The following NBEAL2 variants were observed in gnomAD, a reference collection of about 807,000 sequenced individuals.
The protein encoded by NBEAL2 is neurobeachin-like protein 2.
Under a neutral mutation model 299.8 loss-of-function variants are expected in NBEAL2, and 160 were observed. The ratio of observed to expected loss-of-function variants is 0.53; its 90% CI spans 0.47 to 0.61. The LOEUF is 0.61. NBEAL2 is among the 20% of genes least tolerant of loss of function. NBEAL2 has a pLI of 0.00. For synonymous variants in NBEAL2, 1,493 were observed against 1,542.3 expected, an observed-to-expected ratio of 0.97 and a Z score of 0.75; for missense variants, 3,112 against 3,649.0, an observed-to-expected ratio of 0.85 and a Z score of 3.79.
In NBEAL2 at chr3:46,997,705, G is replaced by A; in HGVS notation, c.2958+11G>A. The A allele has an allele frequency of 6.6e-7, 1 of 1,506,916 alleles. No individual in the cohort carries two copies. The highest frequency in any genetic ancestry group is 8.9e-7 in the Non-Finnish European group (1 of 1,124,836). The allele number at this position is 1,506,916 out of a possible 1,614,324, so 93.3% of individuals were successfully genotyped here. A position where few individuals can be genotyped will look rare whatever the true frequency, so the allele number is the denominator to read the frequency against. On this transcript the variant is annotated intron_variant, in intron 20 of 53. Transcript: ENST00000450053. ...GCCCTCCTGCGAAAGGTGGGGCCCG[G>A]TGGGACAGGCATGGGGGTTAGGGGT...
In NBEAL2 at chr3:46,994,556, G is replaced by A. The variant is rs1233655810; in HGVS notation, c.1296+3G>A. ...TGTTGCAAGAGCTGCTCAACATGGT[G>A]AGGGAAGGGGCTTGGGACCAGGGTC... On this transcript the variant is annotated splice_donor_region_variant and intron_variant, in intron 12 of 53. Transcript: ENST00000450053. 6.4e-7 allele frequency: 1 copy of A among 1,570,900 alleles called. No homozygotes were observed.
Position 47,008,215 on chromosome 3 carries a change from G to A in NBEAL2, c.7719+29G>A, listed in dbSNP as rs1341987513. ...TGTGTATGCATGTGCCCTGGGGAGG[G>A]TGAGTTTCCTGGGCAATCCCCCTGG... On this transcript the variant is annotated intron_variant, in intron 50 of 53. Coordinates refer to ENST00000450053, the MANE Select transcript of NBEAL2 (RefSeq NM_015175.3). 2.5e-6 allele frequency: 4 copies of A among 1,613,422 alleles called. No homozygotes were observed. In the African/African-American group the frequency reaches 4.0e-5, roughly 16 times the overall value.
At position 46,996,440 on chromosome 3, in the gene NBEAL2, C is replaced by G. The variant is rs1398848650; in HGVS notation, c.2321C>G (p.Ala774Gly). Reference protein sequence around the residue: ...TGLGWGSGLVAPLQEGSIDST... With the variant: ...TGLGWGSGLVGPLQEGSIDST... ...CTTGGCTGGGGGTCCGGGCTGGTGG[C>G]CCCCCTGCAGGAGGGCAGCATCGAC... The change falls in exon 16 of 54, where the codon GCC (alanine) becomes GGC (glycine). Residue 774 changes from alanine to glycine, a missense_variant. Physicochemically the swap from Ala to Gly is moderately conservative, Grantham distance 60. This residue lies in a region of NBEAL2 where 2,243 missense variants were observed against 2,538.1 expected (regional missense o/e 0.88). Transcript: ENST00000450053. 6.2e-7 allele frequency: 1 copy of G among 1,607,796 alleles called. No homozygotes were observed. The highest frequency in any genetic ancestry group is 1.1e-5 in the South Asian group (1 of 90,790).
Position 46,979,848 on chromosome 3 carries a change from A to G in NBEAL2, c.-14A>G. 1 of 450,766 alleles carries G rather than the reference A, an allele frequency of 2.2e-6. No individual in the cohort carries two copies. Among genetic ancestry groups the G allele is most frequent in the Non-Finnish European group, 3.9e-6 (1 of 253,376 alleles). The allele number at this position is 450,766 out of a possible 1,614,324, so 27.9% of individuals were successfully genotyped here. On this transcript the variant is annotated 5_prime_UTR_variant, in exon 1 of 54. Transcript: ENST00000450053. Reference sequence around the variant, plus strand: ...GACAGGTGGCGCGCAGCAGGGCCGGAGCCGGGCCGGGCCATGGCCGCCTCG... The same window carrying G: ...GACAGGTGGCGCGCAGCAGGGCCGGGGCCGGGCCGGGCCATGGCCGCCTCG...
chr3:47,000,946 T>C lies in NBEAL2; in HGVS notation c.4306-55T>C. 8 of 1,551,936 alleles carry C rather than the reference T, an allele frequency of 5.2e-6. No homozygotes were observed. The South Asian group carries it at 8.3e-5, about 16-fold the overall frequency. On this transcript the variant is annotated intron_variant, in intron 27 of 53. Coordinates refer to ENST00000450053, the MANE Select transcript of NBEAL2 (RefSeq NM_015175.3). The surrounding 1 kb of genome is among the most constrained non-coding windows in gnomAD (Gnocchi z 4.5). ...TGGGGATGGGTGGGCGTCAGCCTGA[T>C]TCCCTCCCTTAGCCGCCCACAACCC... is the stretch of plus-strand genomic sequence containing the variant.
At position 47,004,777 on chromosome 3, in the gene NBEAL2, C is replaced by T; in HGVS notation, c.6294+187C>T. ...TCCCCAGCCTCACTCCCTTCCCCTC[C>T]CTGCCTAGCCTCTATTCCTCAAAAG... On this transcript the variant is annotated intron_variant, in intron 38 of 53. Coordinates refer to ENST00000450053, the MANE Select transcript of NBEAL2 (RefSeq NM_015175.3). This position sits in a 1 kb window ranked among gnomAD's most constrained non-coding sequence, Gnocchi z 5.0. 1 of 1,030,378 alleles carries T rather than the reference C, an allele frequency of 9.7e-7. No individual in the cohort carries two copies. Among genetic ancestry groups the T allele is most frequent in the South Asian group, 1.5e-5 (1 of 66,638 alleles). 63.8% of individuals were successfully genotyped at this position (1,030,378 alleles called of 1,614,324 possible). A position where few individuals can be genotyped will look rare whatever the true frequency, so the allele number is the denominator to read the frequency against.
intron 1 of NBEAL2, 64 bp downstream of exon 1, chr3:46,979,976 C>T (rs1263043287): frequency 8.6e-6 from 2 of 233,756 alleles, no homozygotes; most frequent in Admixed American, 5.8e-5. Context: ...GCGCGCCCCG[C>T]GCCTGCTGCA....
In NBEAL2 at chr3:46,998,786, G is replaced by A. The variant is rs369931526; in HGVS notation, c.3291G>A (p.Ala1097=). 219 of 1,567,590 alleles carry A rather than the reference G, an allele frequency of 1.4e-4. No homozygotes were observed. The highest frequency in any genetic ancestry group is 1.9e-4 in the Non-Finnish European group (217 of 1,156,464). The change falls in exon 23 of 54, where the codon GCG becomes GCA. Residue 1097 remains alanine, a synonymous_variant. Transcript: ENST00000450053. ...TGCAGACCTCCCTCCTGGGCCTGGC[G>A]AGGGAGTTCCTGGTGCGGAGTCTCT... The part of the protein sequence containing the change: ...RTVQTSLLGL[A]REFLVRSLSA...
At chr3:46,998,014 G>T in intron 20 of NBEAL2, 53 bp from the exon 21 acceptor site, 1 of 1,509,758 alleles carries the variant, frequency 6.6e-7, no homozygotes, top group Non-Finnish European at 8.9e-7. Context: ...GAAAAGCTCA[G>T]ACAGCAGACA....
Position 46,989,650 on chromosome 3 carries a change from G to C in NBEAL2, c.556+57G>C, listed in dbSNP as rs2035945261. 6.9e-7 allele frequency: 1 copy of C among 1,456,738 alleles called. No homozygotes were observed. The highest frequency in any genetic ancestry group is 1.4e-5 in the African/African-American group (1 of 70,244). 90.2% of individuals were successfully genotyped at this position (1,456,738 alleles called of 1,614,324 possible). A position where few individuals can be genotyped will look rare whatever the true frequency, so the allele number is the denominator to read the frequency against. On this transcript the variant is annotated intron_variant, in intron 6 of 53. Transcript: ENST00000450053. This position sits in a 1 kb window ranked among gnomAD's most constrained non-coding sequence, Gnocchi z 5.5. ...CACCCCCAAACCTAGGCCCCTTCCTGTCGTTCCTTGATCCTGCCATACACA... is the reference window on the plus strand; with the variant it reads ...CACCCCCAAACCTAGGCCCCTTCCTCTCGTTCCTTGATCCTGCCATACACA...
At position 47,008,679 on chromosome 3, in the gene NBEAL2, C is replaced by G. The variant is rs770268503; in HGVS notation, c.8027+11C>G. On this transcript the variant is annotated intron_variant, in intron 52 of 53. Coordinates refer to ENST00000450053, the MANE Select transcript of NBEAL2 (RefSeq NM_015175.3). ...CCTCCAACTAAACACGTAAGCCCCCCATTTATGGGTTCATGGCCCCTGAAG... is the reference window on the plus strand; with the variant it reads ...CCTCCAACTAAACACGTAAGCCCCCGATTTATGGGTTCATGGCCCCTGAAG... The G allele has an allele frequency of 6.2e-7, 1 of 1,612,916 alleles. No individual in the cohort carries two copies. Among genetic ancestry groups the G allele is most frequent in the Non-Finnish European group, 8.5e-7 (1 of 1,179,834 alleles).
At position 46,998,954 on chromosome 3, in the gene NBEAL2, C is replaced by T; in HGVS notation, c.3385-5C>T. 1.2e-6 allele frequency: 2 copies of T among 1,605,672 alleles called. No individual in the cohort carries two copies. Among genetic ancestry groups the T allele is most frequent in the South Asian group, 1.1e-5 (1 of 89,316 alleles). Reference sequence around the variant, plus strand: ...CCGACACAGTGTGAGACCCTGCATCCCCAGGCGGTGGGTGCGCTGGACCTG... The same window carrying T: ...CCGACACAGTGTGAGACCCTGCATCTCCAGGCGGTGGGTGCGCTGGACCTG... On this transcript the variant is annotated splice_region_variant and splice_polypyrimidine_tract_variant and intron_variant, in intron 23 of 53. Coordinates refer to ENST00000450053, the MANE Select transcript of NBEAL2 (RefSeq NM_015175.3).
rs377346406 is a variant in NBEAL2, at chr3:46,994,640, G to A, written c.1296+87G>A. ...CAGATGGTGAGCTCTCCACCCTGGG[G>A]GACCGTATTGACTGCGGCCAGTACA... On this transcript the variant is annotated intron_variant, in intron 12 of 53. Transcript: ENST00000450053. The A allele has an allele frequency of 3.7e-5, 43 of 1,166,360 alleles. No homozygotes were observed. In the East Asian group the frequency reaches 6.9e-4, roughly 19 times the overall value. The allele number at this position is 1,166,360 out of a possible 1,614,324, so 72.3% of individuals were successfully genotyped here.
Position 47,009,407 on chromosome 3 carries a change from G to A in NBEAL2, c.*87G>A. On this transcript the variant is annotated 3_prime_UTR_variant, in exon 54 of 54. Coordinates refer to ENST00000450053, the MANE Select transcript of NBEAL2 (RefSeq NM_015175.3). ...CAGAAGTCGGCGGGAACACCCCGGGGTGGGCAGCCCAGGGGGGTGAGCGGG... is the reference window on the plus strand; with the variant it reads ...CAGAAGTCGGCGGGAACACCCCGGGATGGGCAGCCCAGGGGGGTGAGCGGG... 2.3e-6 allele frequency: 3 copies of A among 1,292,248 alleles called. No individual in the cohort carries two copies. Among genetic ancestry groups the A allele is most frequent in the Non-Finnish European group, 3.2e-6 (3 of 934,658 alleles). The allele number at this position is 1,292,248 out of a possible 1,614,324, so 80.0% of individuals were successfully genotyped here. A position where few individuals can be genotyped will look rare whatever the true frequency, so the allele number is the denominator to read the frequency against.
rs2037418122 is a variant in NBEAL2, at chr3:47,006,053, C to A, written c.6909C>A (p.Cys2303Ter). Residue 2303 changes from cysteine to a stop codon, truncating the protein, a stop_gained, in exon 43 of 54, where the codon TGC becomes TGA. Coordinates refer to ENST00000450053, the MANE Select transcript of NBEAL2 (RefSeq NM_015175.3). LOFTEE classifies it high-confidence loss of function. ...AGGCCCTCAATGTCTTCTATTACTG[C>A]ACCTATGAGGGTGGGCAGTGCGCTG... Reference protein sequence around the residue: ...AEEALNVFYYCTYEGAVDLDH... With the variant: ...AEEALNVFYY 6.2e-7 allele frequency: 1 copy of A among 1,613,704 alleles called. No individual in the cohort carries two copies. Among genetic ancestry groups the A allele is most frequent in the Non-Finnish European group, 8.5e-7 (1 of 1,179,790 alleles).
intron 49 of NBEAL2, 77 bp downstream of exon 49, chr3:47,007,987 T>C: frequency 6.3e-7 from 1 of 1,581,898 alleles, no homozygotes; most frequent in Non-Finnish European, 8.6e-7. Flanking sequence ...GGCCTTCCAG[T>C]CCTGTCCTCC....
At position 46,996,386 on chromosome 3, in the gene NBEAL2, G is replaced by A. The variant is rs1226353474; in HGVS notation, c.2267G>A (p.Arg756His). The change falls in exon 16 of 54, where the codon CGC becomes CAC. Residue 756 changes from arginine (R) to histidine (H), a missense_variant. Arg to His is a conservative substitution (Grantham distance 29). Transcript: ENST00000450053. ...TLAYTHPALT[R>H]SQSVPASTGL... The stretch of plus-strand genomic sequence containing the variant: ...GCCTACACTCACCCCGCCCTCACCC[G>A]CTCCCAGTCAGTCCCAGCCTCCACA... 20 of 1,611,652 alleles carry A rather than the reference G, an allele frequency of 1.2e-5. No homozygotes were observed. The highest frequency in any genetic ancestry group is 2.7e-5 in the African/African-American group (2 of 74,866).
rs775135851 is a variant in NBEAL2, at chr3:46,997,610, G to A, written c.2874G>A (p.Arg958=). The part of the protein sequence containing the change: ...NAVAAFLLML[R]NFLQGHMVNQ... ...TGGCTGCTTTTCTGCTGATGCTGCG[G>A]AACTTCCTTCAGGGTCACATGGTGA... is the stretch of plus-strand genomic sequence containing the variant. The change falls in exon 20 of 54, where the codon CGG becomes CGA. Residue 958 remains arginine (R), a synonymous_variant. Transcript: ENST00000450053. The A allele has an allele frequency of 6.2e-7, 1 of 1,600,624 alleles. No homozygotes were observed.
chr3:47,003,213 C>T lies in NBEAL2; in HGVS notation c.5624C>T (p.Pro1875Leu), dbSNP rs1249625936. The change falls in exon 35 of 54, where the codon CCT becomes CTT. Residue 1875 changes from proline to leucine, a missense_variant. Transcript: ENST00000450053. This position sits in a 1 kb window ranked among gnomAD's most constrained non-coding sequence, Gnocchi z 7.0. ...PLTPTEEASL[P>L]LAVTKEAKVS... is the part of the protein sequence containing the mutation. ...ACACCCACCGAGGAGGCCTCACTGC[C>T]TCTGGCAGTGACCAAAGAGGCCAAA... is the stretch of plus-strand genomic sequence containing the variant. The T allele has an allele frequency of 1.2e-6, 2 of 1,613,200 alleles. No individual in the cohort carries two copies. Among genetic ancestry groups the T allele is most frequent in the Admixed American group, 3.3e-5 (2 of 60,006 alleles).
Sources: gnomAD v4.1 joint callset for allele counts on GRCh38, gnomAD v4.1.1 for gene constraint, gnomAD v4.1.1 regional missense constraint, Gnocchi (gnomAD v3.1) non-coding constraint, MANE v1.5 for transcripts, NCBI Gene and HGNC (gene_info 2026-07-23, HGNC 2026-07-21) for gene names.